Variants in VCF1 observed in about 807,000 individuals in gnomAD.
The protein encoded by VCF1 is protein VCF1.
the VCF1 span, chr17:73,208,680 G>A: frequency 8.7e-6 from 5 of 577,598 alleles, no homozygotes; most frequent in Admixed American, 1.4e-4. Context: ...CATTTTATCA[G>A]CGTTCAACAA....
At chr17:73,226,381 C>T in the VCF1 span, among the ~76,000 whole-genome samples, 2 of 152,138 alleles carry the variant, frequency 1.3e-5, no homozygotes, top group Non-Finnish European at 2.9e-5. Context: ...TAGGTCAAAT[C>T]CTATTATCAG....
chr17:73,224,940 C>CACAGCACAGGACAGGACAGG, the VCF1 span, among the ~76,000 whole-genome samples: 1,157 of 107,252 alleles, frequency 0.011, 70 homozygotes, highest in African/African-American at 0.03. Flanking sequence ...GACAGCACAG[C>CACAGCACAGGACAGGACAGG]ACAGCACAGC....
the VCF1 span, chr17:73,208,407 C>A: frequency 6.2e-7 from 1 of 1,614,216 alleles, no homozygotes; most frequent in South Asian, 1.1e-5. Flanking sequence ...CACGTCTGCA[C>A]CTTCATTATT....
chr17:73,227,567 G>T, the VCF1 span: 1 of 932,286 alleles, frequency 1.1e-6, no homozygotes, highest in Non-Finnish European at 1.3e-6. Context: ...TAATGACTAA[G>T]CTTTCAACCT....
the VCF1 span, among the ~76,000 whole-genome samples, chr17:73,225,486 G>C: frequency 6.6e-6 from 1 of 151,612 alleles, no homozygotes; most frequent in Non-Finnish European, 1.5e-5. Context: ...GCAAGAAAAA[G>C]ATGGCAATTT....
At chr17:73,211,221 T>TGAG in the VCF1 span, among the ~76,000 whole-genome samples, 1 of 151,414 alleles carries the variant, frequency 6.6e-6, no homozygotes, top group South Asian at 2.1e-4. Flanking sequence ...TTTGGTTGGC[T>TGAG]GAGGCAGGTG....
chr17:73,210,559 G>T, the VCF1 span, among the ~76,000 whole-genome samples: 3 of 151,620 alleles, frequency 2.0e-5, no homozygotes, highest in African/African-American at 7.3e-5. Flanking sequence ...ACTCTCAAAG[G>T]GGAGGGTGAC....
At chr17:73,222,556 T>C in the VCF1 span, among the ~76,000 whole-genome samples, 1 of 152,014 alleles carries the variant, frequency 6.6e-6, no homozygotes, top group Non-Finnish European at 1.5e-5. Flanking sequence ...GGCGGATGGA[T>C]CACCTAAGGT....
At chr17:73,216,543 T>G in the VCF1 span, among the ~76,000 whole-genome samples, 2 of 147,154 alleles carry the variant, frequency 1.4e-5, no homozygotes, top group African/African-American at 2.5e-5. Context: ...AGGAGGTGAG[T>G]GGGGAAAAGA....
At chr17:73,211,261 G>A in the VCF1 span, among the ~76,000 whole-genome samples, 2 of 151,610 alleles carry the variant, frequency 1.3e-5, no homozygotes, top group African/African-American at 2.4e-5. Flanking sequence ...TTCGAGACCT[G>A]GCCAACATGG....
the VCF1 span, among the ~76,000 whole-genome samples, chr17:73,230,227 T>C: frequency 2.0e-5 from 3 of 151,834 alleles, no homozygotes; most frequent in East Asian, 1.9e-4. Context: ...GCCTGGGAGG[T>C]TGAGGCTGCA....
chr17:73,217,558 G>A, the VCF1 span, among the ~76,000 whole-genome samples: 51 of 152,200 alleles, frequency 3.4e-4, no homozygotes, highest in East Asian at 8.3e-3. Flanking sequence ...GCTAAGGCAG[G>A]AGAATCACTT....
the VCF1 span, among the ~76,000 whole-genome samples, chr17:73,222,102 C>A: frequency 6.9e-6 from 1 of 145,662 alleles, no homozygotes; most frequent in African/African-American, 2.6e-5. Flanking sequence ...GGAGGCTGAG[C>A]AGGGAGGAGT....
chr17:73,216,980 T>G, the VCF1 span, among the ~76,000 whole-genome samples: 84,016 of 151,790 alleles, frequency 0.55, 23,703 homozygotes, highest in Non-Finnish European at 0.62. Context: ...CCATTCCACT[T>G]CATAAAAAGA....
At chr17:73,208,145 G>T in the VCF1 span, 1 of 1,509,622 alleles carries the variant, frequency 6.6e-7, no homozygotes, top group Non-Finnish European at 8.8e-7. Context: ...ATGCTGTTCC[G>T]TGTCCTCTTC....
the VCF1 span, among the ~76,000 whole-genome samples, chr17:73,224,850 G>GACAGC: frequency 1.6e-4 from 22 of 139,634 alleles, no homozygotes; most frequent in African/African-American, 3.7e-4. Flanking sequence ...CACAGGACAG[G>GACAGC]ACAGGACAGG....
chr17:73,207,901 G>T, the VCF1 span: 1 of 1,180,118 alleles, frequency 8.5e-7, no homozygotes, highest in Non-Finnish European at 1.1e-6. Context: ...TCCTTGTCAA[G>T]TATCTGGCTT....
the VCF1 span, among the ~76,000 whole-genome samples, chr17:73,219,100 C>T: frequency 2.8e-5 from 4 of 143,724 alleles, no homozygotes; most frequent in South Asian, 2.3e-4. Flanking sequence ...CTGAGGCAGG[C>T]GAATCGCTTG....
At chr17:73,225,197 T>G in the VCF1 span, among the ~76,000 whole-genome samples, 1 of 152,122 alleles carries the variant, frequency 6.6e-6, no homozygotes, top group Non-Finnish European at 1.5e-5. Flanking sequence ...CTTCAGATAA[T>G]GATTACGGAG....
Sources: allele counts gnomAD v4.1 joint callset (sites outside exome capture counted in the v4.1 genomes callset), GRCh38; gene constraint gnomAD v4.1.1; transcripts MANE v1.5; gene names NCBI Gene and HGNC (gene_info 2026-07-23, HGNC 2026-07-21).